The following ARID1B variants were observed in gnomAD, a reference collection of about 807,000 sequenced individuals.
ARID1B encodes the protein AT-rich interaction domain 1B, also known as AT-rich interactive domain-containing protein 1B.
In ARID1B, 30 loss-of-function variants were observed where a neutral mutation model predicts 212.3. The ratio of observed to expected loss-of-function variants is 0.14; its 90% CI spans 0.11 to 0.19. The LOEUF is 0.19. ARID1B is among the 10% of genes least tolerant of loss of function. The pLI is 1.00. For synonymous variants in ARID1B, 1,402 were observed against 1,301.7 expected (o/e 1.08, Z -1.66); for missense variants, 2,891 against 3,204.0 (o/e 0.90, Z 2.36).
At chr6:157,112,642 C>T (rs1787007517) in intron 6 of ARID1B, among the ~76,000 whole-genome samples, 1 of 152,148 alleles carries the variant, frequency 6.6e-6, no homozygotes, top group African/African-American at 2.4e-5. Context: ...CAATGTCTTT[C>T]CCAGCCCTTT....
At chr6:156,935,817 G>A (rs1472050256) in intron 4 of ARID1B, 5 of 411,100 alleles carry the variant, frequency 1.2e-5, no homozygotes, top group African/African-American at 6.1e-5. Context: ...GGTTTTATGC[G>A]GCTGGTCGAT....
intron 4 of ARID1B, chr6:156,985,008 A>C (rs1488501338): frequency 6.6e-6 from 1 of 152,176 alleles, no homozygotes; most frequent in African/African-American, 2.4e-5. Context: ...CTTTATTTTC[A>C]TACAGAGACT....
rs374876774 is a variant in ARID1B, at chr6:156,901,519, G to T, written c.2130G>T (p.Pro710=). ...LPSQSQQRYQ[P]QQDMSQEGYG... is the part of the protein sequence containing the mutation. ...CCCAGTCCCAGCAGAGGTACCAGCC[G>T]CAGCAGGTGAGCACAGTGCACTGCC... The change falls in exon 3 of 20, where the codon CCG becomes CCT. Residue 710 remains proline (P), a synonymous_variant. Transcript: ENST00000636930. The T allele has an allele frequency of 1.9e-6, 3 of 1,613,116 alleles. No individual in the cohort carries two copies. Among genetic ancestry groups the T allele is most frequent in the Non-Finnish European group, 1.7e-6 (2 of 1,179,814 alleles).
intron 7 of ARID1B, among the ~76,000 whole-genome samples, chr6:157,143,573 A>G (rs1434051467): frequency 6.6e-6 from 1 of 152,018 alleles, no homozygotes; most frequent in Non-Finnish European, 1.5e-5. Context: ...CTGGCGCTGT[A>G]CTTGTTACTT....
chr6:156,911,211 A>G (rs912938935), intron 3 of ARID1B, among the ~76,000 whole-genome samples: 1 of 152,194 alleles, frequency 6.6e-6, no homozygotes, highest in African/African-American at 2.4e-5. Flanking sequence ...AAAACAAAGT[A>G]TAATCTTCCC....
chr6:157,153,459 A>G (rs940413252), intron 8 of ARID1B, among the ~76,000 whole-genome samples: 1 of 151,984 alleles, frequency 6.6e-6, no homozygotes, highest in African/African-American at 2.4e-5. Flanking sequence ...ACTTTTGAAG[A>G]TATAAGAAAC....
At chr6:156,962,289 GCTCTGT>G (rs1029197313) in intron 4 of ARID1B, among the ~76,000 whole-genome samples, 129 of 152,136 alleles carry the variant, frequency 8.5e-4, no homozygotes, top group African/African-American at 2.9e-3. Flanking sequence ...ACAGGGCGAG[GCTCTGT>G]CTCAAAAAAA....
chr6:156,889,875 T>G (rs1787792403), intron 2 of ARID1B, among the ~76,000 whole-genome samples: 1 of 152,214 alleles, frequency 6.6e-6, no homozygotes, highest in East Asian at 1.9e-4. Flanking sequence ...ATACATTTGT[T>G]AATCAAATTC....
chr6:157,180,443 C>A (rs1268898489), intron 11 of ARID1B, among the ~76,000 whole-genome samples: 1 of 151,720 alleles, frequency 6.6e-6, no homozygotes, highest in Non-Finnish European at 1.5e-5. Flanking sequence ...GACTGGAAAT[C>A]TACCTTATAT....
In ARID1B at chr6:156,932,309, A is replaced by G. The variant is rs900480380; in HGVS notation, c.2137-3157A>G. 3.9e-5 allele frequency among the ~76,000 whole-genome samples: 6 copies of G among 152,202 alleles called. No homozygotes were observed. The South Asian group carries it at 8.3e-4, about 21-fold the overall frequency. On this transcript the variant is annotated intron_variant, in intron 3 of 19. Coordinates refer to ENST00000636930, the MANE Select transcript of ARID1B (RefSeq NM_001374828.1). Reference sequence around the variant, plus strand: ...TAAGGCCAGAGTCCATCAATGGTTAAAAGATTGTGAGTGAGATGTAGAAAA... The same window carrying G: ...TAAGGCCAGAGTCCATCAATGGTTAGAAGATTGTGAGTGAGATGTAGAAAA...
At chr6:157,009,924 G>A (rs545456772) in intron 4 of ARID1B, among the ~76,000 whole-genome samples, 6 of 152,320 alleles carry the variant, frequency 3.9e-5, no homozygotes, top group South Asian at 4.1e-4. Flanking sequence ...AGAATGTGAT[G>A]TAATATAGCC....
chr6:157,048,149 C>T (rs1782360952), intron 4 of ARID1B, among the ~76,000 whole-genome samples: 1 of 152,160 alleles, frequency 6.6e-6, no homozygotes, highest in African/African-American at 2.4e-5. Flanking sequence ...TCAATTTTTG[C>T]AAGTCAGTTG....
intron 4 of ARID1B, among the ~76,000 whole-genome samples, chr6:156,978,127 G>A (rs1271519615): frequency 6.6e-6 from 1 of 152,156 alleles, no homozygotes; most frequent in Non-Finnish European, 1.5e-5. Context: ...TACCAGGAGC[G>A]TTCTTGTTGG....
chr6:157,028,601 A>G (rs1780816408), intron 4 of ARID1B, among the ~76,000 whole-genome samples: 1 of 152,218 alleles, frequency 6.6e-6, no homozygotes, highest in Non-Finnish European at 1.5e-5. Flanking sequence ...GTTTTTTGAT[A>G]AACGCTGGAA....
At position 156,779,435 on chromosome 6, in the gene ARID1B, C is replaced by A; in HGVS notation, c.1755C>A (p.Ser585Arg). 1 of 1,462,130 alleles carries A rather than the reference C, an allele frequency of 6.8e-7. No homozygotes were observed. Among genetic ancestry groups the A allele is most frequent in the Non-Finnish European group, 9.1e-7 (1 of 1,104,120 alleles). The allele number at this position is 1,462,130 out of a possible 1,614,324, so 90.6% of individuals were successfully genotyped here. The change falls in exon 1 of 20, where the codon AGC becomes AGA. Residue 585 changes from serine to arginine, a missense_variant. By Grantham distance (110) the Ser-to-Arg change is moderately radical (BLOSUM62 -1). This residue lies in a region of ARID1B where 1,643 missense variants were observed against 1,544.0 expected (regional missense o/e 1.06). Coordinates refer to ENST00000636930, the MANE Select transcript of ARID1B (RefSeq NM_001374828.1). ...AACAAAGGAGTCACCCGGCGATGAG[C>A]CCCGGCACCCCCGGACCGACCATGG... ...AAQQRSHPAM[S>R]PGTPGPTMGR... is the part of the protein sequence containing the mutation.
intron 3 of ARID1B, among the ~76,000 whole-genome samples, chr6:156,920,867 T>C (rs1412566226): frequency 6.6e-6 from 1 of 151,964 alleles, no homozygotes; most frequent in African/African-American, 2.4e-5. Flanking sequence ...TTTTCTTTTT[T>C]TTTTTTGACA....
intron 4 of ARID1B, among the ~76,000 whole-genome samples, chr6:157,044,251 A>G (rs1010993821): frequency 6.6e-6 from 1 of 152,250 alleles, no homozygotes; most frequent in Non-Finnish European, 1.5e-5. Flanking sequence ...AAATAGAATA[A>G]AAGTGGAAAA....
At chr6:156,999,677 C>T (rs542764478) in intron 4 of ARID1B, among the ~76,000 whole-genome samples, 97 of 152,290 alleles carry the variant, frequency 6.4e-4, no homozygotes, top group African/African-American at 2.0e-3. Context: ...TGCTGAGCCC[C>T]GTCAGCAGCT....
intron 3 of ARID1B, among the ~76,000 whole-genome samples, chr6:156,919,967 A>G (rs1036617314): frequency 1.3e-5 from 2 of 152,264 alleles, no homozygotes; most frequent in East Asian, 3.8e-4. Flanking sequence ...AACTAACTGT[A>G]GGTGGGTGAT....
Sources: allele counts gnomAD v4.1 joint callset (sites outside exome capture counted in the v4.1 genomes callset), GRCh38; gene constraint gnomAD v4.1.1; regional missense constraint gnomAD v4.1.1; transcripts MANE v1.5; gene names NCBI Gene and HGNC (gene_info 2026-07-23, HGNC 2026-07-21).